The following KHDRBS1 variants were observed in gnomAD, a reference collection of about 807,000 sequenced individuals.
The protein encoded by KHDRBS1 is KH RNA binding domain containing, signal transduction associated 1.
Under a neutral mutation model 48.4 loss-of-function variants are expected in KHDRBS1, and 7 were observed. That is an observed-to-expected ratio of 0.14 (90% confidence interval 0.08 to 0.27). The LOEUF is 0.27. Ranked by LOEUF, KHDRBS1 falls within the 10% of genes least tolerant of loss-of-function variation. The probability of loss-of-function intolerance (pLI) is 1.00; values close to 1 mark genes in which losing one functional copy is unlikely to be tolerated. For missense variants in KHDRBS1, 458 were observed against 601.2 expected, an observed-to-expected ratio of 0.76 and a Z score of 2.49; for synonymous variants, 241 against 235.8, an observed-to-expected ratio of 1.02 and a Z score of -0.20.
At position 32,053,084 on chromosome 1, in the gene KHDRBS1, T is replaced by A. The variant is rs898441599; in HGVS notation, n.1302-7079T>A. Reference sequence around the variant, plus strand: ...AGGAAGATCTCTTGAGCCCAGGAGGTCAAGGCTGCAGTGAGTCATGATCAT... The same window carrying A: ...AGGAAGATCTCTTGAGCCCAGGAGGACAAGGCTGCAGTGAGTCATGATCAT... On this transcript the variant is annotated intron_variant and non_coding_transcript_variant, in intron 10 of 10. Transcript: ENST00000484270. Among the ~76,000 whole-genome samples the A allele has an allele frequency of 2.0e-5, 3 of 152,168 alleles. No homozygotes were observed. The East Asian group carries it at 5.8e-4, about 29-fold the overall frequency.
chr1:32,032,364 A>G (rs1302436308), intron 3 of KHDRBS1, among the ~76,000 whole-genome samples: 1 of 152,154 alleles, frequency 6.6e-6, no homozygotes, highest in East Asian at 1.9e-4. Flanking sequence ...TTCTTGCTAG[A>G]TGCATATAGT....
Position 32,014,153 on chromosome 1 carries a change from G to A in KHDRBS1, c.158G>A (p.Gly53Glu). ...RSRGGGGGSR[G>E]GARASPATQP... ...CGGGGAGGCGGAGGGGGATCCCGCG[G>A]GGGCGCCCGGGCCTCGCCCGCCACG... The change falls in exon 1 of 9, where the codon GGG (glycine) becomes GAG (glutamate). Residue 53 changes from glycine to glutamate, a missense_variant. Gly to Glu is a moderately conservative substitution (Grantham distance 98, BLOSUM62 -2). This residue lies in a region of KHDRBS1 where 213 missense variants were observed against 215.6 expected (regional missense o/e 0.99). Coordinates refer to ENST00000327300, the MANE Select transcript of KHDRBS1 (RefSeq NM_006559.3). 7.7e-7 allele frequency: 1 copy of A among 1,303,794 alleles called. No individual in the cohort carries two copies. Among genetic ancestry groups the A allele is most frequent in the Non-Finnish European group, 9.7e-7 (1 of 1,027,060 alleles). 80.8% of individuals were successfully genotyped at this position (1,303,794 alleles called of 1,614,324 possible). A position where few individuals can be genotyped will look rare whatever the true frequency, so the allele number is the denominator to read the frequency against.
chr1:32,014,721 C>T (rs564356253), intron 1 of KHDRBS1, among the ~76,000 whole-genome samples: 1 of 152,338 alleles, frequency 6.6e-6, no homozygotes, highest in Admixed American at 6.5e-5. Context: ...CTTCATTTCC[C>T]CCTTTCCCTG....
In KHDRBS1 at chr1:32,020,846, G is replaced by C. The variant is rs1045976099; in HGVS notation, c.382+6469G>C. ...GCTATCAAAGGGTAAGGATCCTCAT[G>C]ATGGAACTGTTCTGTATCTTGACTG... On this transcript the variant is annotated intron_variant, in intron 1 of 8. Transcript: ENST00000327300. Among the ~76,000 whole-genome samples the C allele has an allele frequency of 2.6e-5, 4 of 152,322 alleles. No homozygotes were observed. In the East Asian group the frequency reaches 5.8e-4, roughly 22 times the overall value.
chr1:32,040,874 A>T (rs1188503520), intron 8 of KHDRBS1, among the ~76,000 whole-genome samples: 5 of 152,144 alleles, frequency 3.3e-5, no homozygotes, highest in Non-Finnish European at 7.4e-5. Flanking sequence ...CCAACTCAGC[A>T]CAGTATGAAG....
At chr1:32,051,878 G>T (rs1387228210) in intron 10 of KHDRBS1, among the ~76,000 whole-genome samples, 1 of 152,160 alleles carries the variant, frequency 6.6e-6, no homozygotes, top group African/African-American at 2.4e-5. Context: ...AGTGTGTTAG[G>T]CAACACATGG....
chr1:32,032,777 C>T (rs1205723818), intron 3 of KHDRBS1, among the ~76,000 whole-genome samples: 2 of 152,046 alleles, frequency 1.3e-5, no homozygotes, highest in African/African-American at 4.8e-5. Context: ...GCAACCTCCA[C>T]CTCACGGGTT....
chr1:32,044,755 T>C (rs1639338417), downstream of KHDRBS1, among the ~76,000 whole-genome samples: 1 of 152,142 alleles, frequency 6.6e-6, no homozygotes, highest in Non-Finnish European at 1.5e-5. Flanking sequence ...ACCCCCCTTT[T>C]TAAAGGAAAA....
downstream of KHDRBS1, among the ~76,000 whole-genome samples, chr1:32,045,798 G>T (rs1169600818): frequency 1.3e-5 from 2 of 152,218 alleles, no homozygotes; most frequent in African/African-American, 4.8e-5. Flanking sequence ...GGACAACAGT[G>T]GTAGACCACA....
chr1:32,042,388 A>C lies in KHDRBS1; in HGVS notation c.1235-139A>C. 4.8e-6 allele frequency: 3 copies of C among 618,572 alleles called. No homozygotes were observed. In the South Asian group the frequency reaches 6.1e-5, roughly 13 times the overall value. 38.3% of individuals were successfully genotyped at this position (618,572 alleles called of 1,614,324 possible). On this transcript the variant is annotated intron_variant, in intron 8 of 8. Coordinates refer to ENST00000327300, the MANE Select transcript of KHDRBS1 (RefSeq NM_006559.3). ...CCCAAGAGGGCCAAGCCAAGTAGAG[A>C]GCAAGGAACACCAGGGGAAGTGTCA...
chr1:32,054,035 GA>G (rs1639452317), intron 10 of KHDRBS1, among the ~76,000 whole-genome samples: 1 of 152,100 alleles, frequency 6.6e-6, no homozygotes, highest in Non-Finnish European at 1.5e-5. Context: ...AGTGAGCCAA[GA>G]TAGCGCCATT....
chr1:32,051,364 A>G (rs1569823620), intron 10 of KHDRBS1, among the ~76,000 whole-genome samples: 1 of 152,338 alleles, frequency 6.6e-6, no homozygotes, highest in Admixed American at 6.5e-5. Context: ...AAAGTTATTG[A>G]TACAATTTCT....
intron 8 of KHDRBS1, among the ~76,000 whole-genome samples, chr1:32,040,405 C>G (rs1048896449): frequency 6.7e-5 from 10 of 149,618 alleles, no homozygotes; most frequent in Admixed American, 6.6e-4. Flanking sequence ...AACAAAAGTC[C>G]GTCTCAAAAA....
chr1:32,048,979 T>A (rs1427415763), intron 10 of KHDRBS1, among the ~76,000 whole-genome samples: 5 of 151,816 alleles, frequency 3.3e-5, no homozygotes, highest in Non-Finnish European at 2.9e-5. Context: ...AAGACCACTT[T>A]CTGTATGATT....
rs56036256 is a variant in KHDRBS1, at chr1:32,043,603, G to C, written c.*979G>C. 6.5e-6 allele frequency: 1 copy of C among 152,766 alleles called. No homozygotes were observed. 9.5% of individuals were successfully genotyped at this position (152,766 alleles called of 1,614,324 possible). On this transcript the variant is annotated 3_prime_UTR_variant, in exon 9 of 9. Coordinates refer to ENST00000327300, the MANE Select transcript of KHDRBS1 (RefSeq NM_006559.3). ...GGCCAAAAGCTGTTGATTTTCTTAA[G>C]TTGACGGTTGTCAATATATCGAACT...
intron 10 of KHDRBS1, among the ~76,000 whole-genome samples, chr1:32,054,750 T>C (rs1036608945): frequency 1.3e-5 from 2 of 152,208 alleles, no homozygotes; most frequent in African/African-American, 4.8e-5. Flanking sequence ...TCATAAACTT[T>C]CTTAAAACAT....
In KHDRBS1 at chr1:32,049,474, C is replaced by T. The variant is rs1483197044; in HGVS notation, n.1301+4084C>T. ...GCGATTTCACTGTATGCATATACTA[C>T]GTTTCATTTATTCATTGATCCATTG... On this transcript the variant is annotated intron_variant and non_coding_transcript_variant, in intron 10 of 10. Coordinates refer to the KHDRBS1 transcript ENST00000484270. Among the ~76,000 whole-genome samples the T allele has an allele frequency of 6.6e-5, 10 of 150,560 alleles. No homozygotes were observed. The South Asian group carries it at 1.0e-3, about 16-fold the overall frequency.
downstream of KHDRBS1, among the ~76,000 whole-genome samples, chr1:32,045,742 A>G (rs1301953593): frequency 6.6e-6 from 1 of 152,234 alleles, no homozygotes; most frequent in Admixed American, 6.5e-5. Context: ...TTCAGTGCGA[A>G]GGATAAAAAA....
At chr1:32,047,308 A>G (rs1639368848), downstream of KHDRBS1, among the ~76,000 whole-genome samples, 1 of 152,048 alleles carries the variant, frequency 6.6e-6, no homozygotes, top group Non-Finnish European at 1.5e-5. Context: ...ATAGGCACAC[A>G]CCACCACGCC....
Sources: allele counts gnomAD v4.1 joint callset (sites outside exome capture counted in the v4.1 genomes callset), GRCh38; gene constraint gnomAD v4.1.1; regional missense constraint gnomAD v4.1.1; transcripts MANE v1.5; gene names NCBI Gene and HGNC (gene_info 2026-07-23, HGNC 2026-07-21).